Variants in ONECUT1 observed in about 807,000 individuals in gnomAD.
ONECUT1 encodes the protein hepatocyte nuclear factor 6.
In ONECUT1, 12 loss-of-function variants were observed where a neutral mutation model predicts 25.6. That is an observed-to-expected ratio of 0.47 (90% confidence interval 0.30 to 0.76). The LOEUF is 0.76. Ranked by LOEUF, ONECUT1 falls within the 30% of genes least tolerant of loss-of-function variation. The pLI, the probability that ONECUT1 is intolerant of heterozygous loss-of-function variation, is 0.07. For missense variants in ONECUT1, 620 were observed against 651.2 expected (o/e 0.95, Z 0.52); for synonymous variants, 285 against 270.2 (o/e 1.05, Z -0.54).
rs57187579 is a variant in ONECUT1, at chr15:52,777,737, C to CACACACACACACA, written c.1105+11042_1105+11043insTGTGTGTGTGTGT. ...ACACACACACACACACACACACACA[C>CACACACACACACA]AAAAAAACATGTAAAGTTATTTGTT... On this transcript the variant is annotated intron_variant, in intron 1 of 1. Transcript: ENST00000305901. Among the ~76,000 whole-genome samples, 31 of 103,454 alleles carry CACACACACACACA rather than the reference C, an allele frequency of 3.0e-4. 1 individual carries two copies. Among genetic ancestry groups the CACACACACACACA allele is most frequent in the African/African-American group, 1.2e-3 (27 of 22,586 alleles). 67.9% of individuals were successfully genotyped at this position (103,454 alleles called of 152,430 possible).
At chr15:52,782,712 A>G (rs2083849149) in intron 1 of ONECUT1, among the ~76,000 whole-genome samples, 1 of 152,194 alleles carries the variant, frequency 6.6e-6, no homozygotes, top group African/African-American at 2.4e-5. Flanking sequence ...GGGCCATTCA[A>G]TTTTACCAAG....
At chr15:52,782,835 C>G (rs990629345) in intron 1 of ONECUT1, among the ~76,000 whole-genome samples, 1 of 152,106 alleles carries the variant, frequency 6.6e-6, no homozygotes, top group Non-Finnish European at 1.5e-5. Context: ...TTTAAATATT[C>G]CAATAAATGG....
At chr15:52,773,732 T>C (rs1249475110) in intron 1 of ONECUT1, among the ~76,000 whole-genome samples, 2 of 152,076 alleles carry the variant, frequency 1.3e-5, no homozygotes, top group Admixed American at 6.5e-5. Flanking sequence ...AGCATTGTCA[T>C]AGGGACACAG....
Position 52,757,610 on chromosome 15 carries a change from C to T in ONECUT1, c.1343G>A (p.Gly448Asp). ...RRSLDKWQDE[G>D]SSNSGNSSSS... ...AGATGAGTTGCCTGAATTGGAGCTG[C>T]CCTCGTCCTGCCACTTGTCCAGACT... Residue 448 changes from glycine to aspartate, a missense_variant, in exon 2 of 2, where the codon GGC becomes GAC. Transcript: ENST00000305901. The T allele has an allele frequency of 6.2e-7, 1 of 1,614,106 alleles. No homozygotes were observed. The highest frequency in any genetic ancestry group is 8.5e-7 in the Non-Finnish European group (1 of 1,180,024).
intron 1 of ONECUT1, among the ~76,000 whole-genome samples, chr15:52,759,045 A>G (rs538571995): frequency 9.2e-5 from 14 of 152,240 alleles, no homozygotes; most frequent in Admixed American, 8.5e-4. Context: ...TTAGCCCCCT[A>G]TGTAGGCGTT....
At chr15:52,779,367 C>T (rs1342924282) in intron 1 of ONECUT1, among the ~76,000 whole-genome samples, 1 of 151,918 alleles carries the variant, frequency 6.6e-6, no homozygotes, top group Non-Finnish European at 1.5e-5. Flanking sequence ...GGACTACAGG[C>T]GTGAGCCACC....
At chr15:52,782,187 GA>G (rs1340361223) in intron 1 of ONECUT1, among the ~76,000 whole-genome samples, 1 of 152,116 alleles carries the variant, frequency 6.6e-6, no homozygotes, top group African/African-American at 2.4e-5. Context: ...ATTAAGAAAA[GA>G]AAATTTCTAG....
chr15:52,758,693 T>C (rs1047025300), intron 1 of ONECUT1, among the ~76,000 whole-genome samples: 3 of 152,194 alleles, frequency 2.0e-5, no homozygotes, highest in Non-Finnish European at 2.9e-5. Flanking sequence ...TCTGGTCCTG[T>C]ATTATGAAGC....
intron 1 of ONECUT1, among the ~76,000 whole-genome samples, chr15:52,774,263 C>G (rs1461201312): frequency 6.7e-6 from 1 of 148,358 alleles, no homozygotes; most frequent in Non-Finnish European, 1.5e-5. Context: ...GTATATAATA[C>G]TAATAATTTG....
At chr15:52,776,581 C>T (rs916641514) in intron 1 of ONECUT1, among the ~76,000 whole-genome samples, 3 of 152,230 alleles carry the variant, frequency 2.0e-5, no homozygotes, top group African/African-American at 7.2e-5. Context: ...CACAACAGGT[C>T]ACAACTTCCT....
In ONECUT1 at chr15:52,789,282, G is replaced by A; in HGVS notation, c.603C>T (p.Ala201=). Residue 201 remains alanine, a synonymous_variant, in exon 1 of 2, where the codon GCC becomes GCT. Transcript: ENST00000305901. This position sits in a 1 kb window ranked among gnomAD's most constrained non-coding sequence, Gnocchi z 4.1. ...CGGTGGGCATGGCGGCCCCCGGGTG[G>A]GCATAGTGGGGGAGCCCTTGCTGGG... ...HNSQQGLPHY[A]HPGAAMPTDK... 2 of 1,551,048 alleles carry A rather than the reference G, an allele frequency of 1.3e-6. No homozygotes were observed. The highest frequency in any genetic ancestry group is 1.2e-5 in the South Asian group (1 of 80,970).
In ONECUT1 at chr15:52,784,752, G is replaced by GGT. The variant is rs1449681369; in HGVS notation, c.1105+4026_1105+4027dup. Among the ~76,000 whole-genome samples the GGT allele has an allele frequency of 7.2e-5, 11 of 152,236 alleles. No individual in the cohort carries two copies. The South Asian group carries it at 1.2e-3, about 17-fold the overall frequency. ...CCTTTTTTGGTTTTGCAGTCGGCTA[G>GGT]GTGTGTGTGTGTGAGGGTCCCCAGT... On this transcript the variant is annotated intron_variant, in intron 1 of 1. Transcript: ENST00000305901. The surrounding 1 kb of genome is among the most constrained non-coding windows in gnomAD (Gnocchi z 5.0).
chr15:52,760,235 C>T (rs1262104005), intron 1 of ONECUT1, among the ~76,000 whole-genome samples: 2 of 152,140 alleles, frequency 1.3e-5, no homozygotes, highest in Non-Finnish European at 1.5e-5. Flanking sequence ...GAGTTATAGA[C>T]ATCCTGAGCC....
intron 1 of ONECUT1, chr15:52,780,953 A>G (rs2083837259): frequency 2.6e-6 from 3 of 1,150,746 alleles, no homozygotes; most frequent in Non-Finnish European, 3.3e-6. Flanking sequence ...TTTGACAGAA[A>G]TTGCAAGATG....
Position 52,776,032 on chromosome 15 carries a change from C to G in ONECUT1, c.1105+12748G>C, listed in dbSNP as rs564293634. On this transcript the variant is annotated intron_variant, in intron 1 of 1. Transcript: ENST00000305901. ...GGGCTCCTTGTACCCAGGGAAGTGG[C>G]TGGATGGAATGTGAGTAACCATCAC... 3.3e-5 allele frequency among the ~76,000 whole-genome samples: 5 copies of G among 152,326 alleles called. No individual in the cohort carries two copies. The East Asian group carries it at 9.6e-4, about 29-fold the overall frequency.
chr15:52,777,729 C>CAAAAAAAAAA (rs1309303644), intron 1 of ONECUT1, among the ~76,000 whole-genome samples: 1 of 87,362 alleles, frequency 1.1e-5, no homozygotes, highest in African/African-American at 8.3e-5. Flanking sequence ...CACACACACA[C>CAAAAAAAAAA]ACACACACAA....
chr15:52,773,593 T>TC (rs1158642002), intron 1 of ONECUT1, among the ~76,000 whole-genome samples: 1 of 152,170 alleles, frequency 6.6e-6, no homozygotes, highest in African/African-American at 2.4e-5. Context: ...TGTCTTGGAC[T>TC]CTAACATGTT....
At position 52,788,821 on chromosome 15, in the gene ONECUT1, T is replaced by C; in HGVS notation, c.1064A>G (p.Gln355Arg). ...ETFRRMWKWL[Q>R]EPEFQRMSAL... ...GGACATGCGCTGGAACTCCGGCTCC[T>C]GCAGCCACTTCCACATCCTCCGGAA... The change falls in exon 1 of 2, where the codon CAG becomes CGG. Residue 355 changes from glutamine to arginine, a missense_variant. Coordinates refer to ENST00000305901, the MANE Select transcript of ONECUT1 (RefSeq NM_004498.4). This position sits in a 1 kb window ranked among gnomAD's most constrained non-coding sequence, Gnocchi z 4.3. The C allele has an allele frequency of 1.9e-6, 3 of 1,613,602 alleles. No individual in the cohort carries two copies. Among genetic ancestry groups the C allele is most frequent in the East Asian group, 4.5e-5 (2 of 44,874 alleles).
chr15:52,773,435 G>A (rs1056950529), intron 1 of ONECUT1, among the ~76,000 whole-genome samples: 6 of 152,282 alleles, frequency 3.9e-5, no homozygotes, highest in East Asian at 1.9e-4. Flanking sequence ...ATGTTTATGC[G>A]TACATGGATA....
Sources: gnomAD v4.1 joint callset for allele counts (sites outside exome capture counted in the v4.1 genomes callset) on GRCh38, gnomAD v4.1.1 for gene constraint, Gnocchi (gnomAD v3.1) non-coding constraint, MANE v1.5 for transcripts, NCBI Gene and HGNC (gene_info 2026-07-23, HGNC 2026-07-21) for gene names.